MUC5B: variants seen among roughly 807,000 people sequenced by gnomAD.
The protein encoded by MUC5B is mucin 5B, oligomeric mucus/gel-forming.
Under a neutral mutation model 376.9 loss-of-function variants are expected in MUC5B, and 116 were observed. The ratio of observed to expected loss-of-function variants is 0.31; its 90% confidence interval spans 0.26 to 0.36. The LOEUF (loss-of-function observed/expected upper bound fraction) is 0.36. Ranked by LOEUF, MUC5B falls within the 10% of genes least tolerant of loss-of-function variation. MUC5B has a pLI of 1.00. For missense variants in MUC5B, 7,165 were observed against 7,769.9 expected, an observed-to-expected ratio of 0.92 and a Z score of 2.93; for synonymous variants, 3,517 against 3,390.9, an observed-to-expected ratio of 1.04 and a Z score of -1.29.
chr11:1,251,166 G>T lies in MUC5B; in HGVS notation c.14286G>T (p.Trp4762Cys), dbSNP rs749514424. 4.0e-5 allele frequency: 65 copies of T among 1,609,668 alleles called. 2 individuals are homozygous for T. Among genetic ancestry groups the T allele is most frequent in the African/African-American group, 6.7e-5 (5 of 74,210 alleles). ...CCTCCTCCACCCTGTGGACCACGTG[G>T]ACCGTCCCAGCACAGACCACCACAC... is the stretch of plus-strand genomic sequence containing the variant. ...PIPSSTLWTT[W>C]TVPAQTTTPM... The change falls in exon 31 of 49, where the codon TGG becomes TGT. Residue 4762 changes from tryptophan (W) to cysteine (C), a missense_variant. By Grantham distance (215) the Trp-to-Cys change is radical. This residue lies in a region of MUC5B where 730 missense variants were observed against 592.7 expected (regional missense o/e 1.23). Coordinates refer to ENST00000529681, the MANE Select transcript of MUC5B (RefSeq NM_002458.3).
chr11:1,237,435 G>A (rs1317785445), intron 25 of MUC5B, among the ~76,000 whole-genome samples: 1 of 152,196 alleles, frequency 6.6e-6, no homozygotes, highest in Non-Finnish European at 1.5e-5. Flanking sequence ...ACAGGGAGGG[G>A]CAGCCCTCTA....
chr11:1,223,087 G>T lies in MUC5B; in HGVS notation c.-37G>T. On this transcript the variant is annotated 5_prime_UTR_variant, in exon 1 of 49. Coordinates refer to ENST00000529681, the MANE Select transcript of MUC5B (RefSeq NM_002458.3). ...AAGCACCCGGCCCGGCTCCCTCCCT[G>T]CCCGTCCCCGTCCCCCCACCCGTGC... 2.9e-6 allele frequency: 2 copies of T among 693,424 alleles called. No homozygotes were observed. The highest frequency in any genetic ancestry group is 5.3e-6 in the Non-Finnish European group (2 of 379,706). The allele number at this position is 693,424 out of a possible 1,614,324, so 43.0% of individuals were successfully genotyped here. A position where few individuals can be genotyped will look rare whatever the true frequency, so the allele number is the denominator to read the frequency against.
rs183397959 is a variant in MUC5B at position 1,242,588 on chromosome 11, C to T, written c.5708C>T (p.Thr1903Met). ...GCCACGCCCTCCTCAACTCCGGGGA[C>T]GACCTGGATCCTCACAAAGCCGACC... is the stretch of plus-strand genomic sequence containing the variant. Reference protein sequence around the residue: ...STATPSSTPGTTWILTKPTTT... With the variant: ...STATPSSTPGMTWILTKPTTT... Residue 1903 changes from threonine to methionine, a missense_variant, in exon 31 of 49, where the codon ACG becomes ATG. Physicochemically the swap from Thr to Met is moderately conservative, Grantham distance 81. Around this residue, in one of 31 missense-constraint regions of MUC5B, gnomAD observed 897 missense variants for 779.6 expected, o/e 1.15. Transcript: ENST00000529681. The T allele has an allele frequency of 2.3e-4, 366 of 1,613,814 alleles. 2 individuals are homozygous for T. The highest frequency in any genetic ancestry group is 1.8e-3 in the African/African-American group (136 of 74,968).
In MUC5B at chr11:1,259,738, C is replaced by T. The variant is rs1326140824; in HGVS notation, c.16714-18C>T. The T allele has an allele frequency of 2.5e-6, 4 of 1,610,432 alleles. No individual in the cohort carries two copies. In the African/African-American group the frequency reaches 4.0e-5, roughly 16 times the overall value. On this transcript the variant is annotated intron_variant, in intron 44 of 48. Coordinates refer to ENST00000529681, the MANE Select transcript of MUC5B (RefSeq NM_002458.3). ...TGGAGGAGAGGGTTAGGGCCTGACG[C>T]CCCTCATGTCCCCACAGGGCTTTGA...
chr11:1,229,684 C>A lies in MUC5B; in HGVS notation c.1103-6C>A, dbSNP rs985940200. 1 of 1,563,102 alleles carries A rather than the reference C, an allele frequency of 6.4e-7. No homozygotes were observed. Among genetic ancestry groups the A allele is most frequent in the East Asian group, 2.4e-5 (1 of 41,998 alleles). The stretch of plus-strand genomic sequence containing the variant: ...GGCCGGCCCTGCCTCACGCCGCGCC[C>A]CACAGGCACGGTGCTGGATGACATC... On this transcript the variant is annotated splice_region_variant and splice_polypyrimidine_tract_variant and intron_variant, in intron 9 of 48. Coordinates refer to ENST00000529681, the MANE Select transcript of MUC5B (RefSeq NM_002458.3).
At position 1,244,424 on chromosome 11, in the gene MUC5B, G is replaced by C. The variant is rs755572246; in HGVS notation, c.7544G>C (p.Ser2515Thr). The change falls in exon 31 of 49, where the codon AGT becomes ACT. Residue 2515 changes from serine (S) to threonine (T), a missense_variant. Transcript: ENST00000529681. ...AGCTCCAAAGCCACTCCCTTCTCCA[G>C]TCCAGGGACTGCAACCGCCCTTCCA... ...VTSSKATPFSSPGTATALPAL... is the reference protein window; with the variant it reads ...VTSSKATPFSTPGTATALPAL... The C allele has an allele frequency of 1.1e-5, 18 of 1,603,150 alleles. No homozygotes were observed. The East Asian group carries it at 2.0e-4, about 18-fold the overall frequency.
At position 1,260,717 on chromosome 11, in the gene MUC5B, C is replaced by G. The variant is rs61734219; in HGVS notation, c.17058C>G (p.Pro5686=). 1.2e-6 allele frequency: 2 copies of G among 1,610,014 alleles called. No homozygotes were observed. Among genetic ancestry groups the G allele is most frequent in the Non-Finnish European group, 1.7e-6 (2 of 1,178,548 alleles). The change falls in exon 48 of 49, where the codon CCC becomes CCG. Residue 5686 remains proline, a synonymous_variant. Transcript: ENST00000529681. ...TCACCTTCTGCGAGGGCTCCTGCCC[C>G]GGAGCGTCCAAGTGAGTGGGCTCCT... ...VNITFCEGSC[P]GASKYSAEAQ...
At chr11:1,236,201 T>G (rs911247979) in intron 23 of MUC5B, 185 bp from the exon 24 acceptor site, 2 of 577,504 alleles carry the variant, frequency 3.5e-6, no homozygotes, top group South Asian at 2.5e-5. Context: ...TTCCCAGCAC[T>G]TCCTGGCCAG....
Position 1,249,799 on chromosome 11 carries a change from A to C in MUC5B, c.12919A>C (p.Thr4307Pro), listed in dbSNP as rs756788272. ...TSSSSPRTAT[T>P]LPVLTSTATK... Reference sequence around the variant, plus strand: ...CTCCTCCAGTCCAAGGACTGCAACCACCCTTCCAGTGCTGACAAGCACAGC... The same window carrying C: ...CTCCTCCAGTCCAAGGACTGCAACCCCCCTTCCAGTGCTGACAAGCACAGC... Residue 4307 changes from threonine (T) to proline (P), a missense_variant, in exon 31 of 49, where the codon ACC (threonine) becomes CCC (proline). This residue lies in a region of MUC5B where 431 missense variants were observed against 390.4 expected (regional missense o/e 1.10). Transcript: ENST00000529681. 6.2e-7 allele frequency: 1 copy of C among 1,612,030 alleles called. No individual in the cohort carries two copies. Among genetic ancestry groups the C allele is most frequent in the East Asian group, 2.2e-5 (1 of 44,796 alleles).
rs1158871410 is a variant in MUC5B at position 1,243,903 on chromosome 11, C to T, written c.7023C>T (p.Tyr2341=). The stretch of plus-strand genomic sequence containing the variant: ...CCTCTGGCGGGGACTTTGACACCTA[C>T]TCCAACATCCGTGCGGCCGGAGGGG... ...PGPSGGDFDT[Y]SNIRAAGGAV... is the part of the protein sequence containing the mutation. Residue 2341 remains tyrosine (Y), a synonymous_variant, in exon 31 of 49, where the codon TAC becomes TAT. Coordinates refer to ENST00000529681, the MANE Select transcript of MUC5B (RefSeq NM_002458.3). 6.2e-7 allele frequency: 1 copy of T among 1,609,390 alleles called. No individual in the cohort carries two copies. The highest frequency in any genetic ancestry group is 1.7e-5 in the Admixed American group (1 of 59,912).
At chr11:1,239,270 G>A (rs2133821202) in intron 26 of MUC5B, 168 bp from the exon 27 acceptor site, 2 of 951,086 alleles carry the variant, frequency 2.1e-6, no homozygotes, top group East Asian at 2.7e-5. Flanking sequence ...CAGGGCTGGG[G>A]AGTGGAGGGG....
Position 1,240,198 on chromosome 11 carries a change from G to A in MUC5B, c.3793G>A (p.Asp1265Asn), listed in dbSNP as rs1862246863. 12 of 1,608,800 alleles carry A rather than the reference G, an allele frequency of 7.5e-6. No homozygotes were observed. In the East Asian group the frequency reaches 2.7e-4, roughly 36 times the overall value. ...CCCAGCCTGCACCTGCACCTATGAG[G>A]ACAGGACCTACAGCTACCAGGACGT... The part of the protein sequence containing the change: ...SLEACTCTYE[D>N]RTYSYQDVIY... Residue 1265 changes from aspartate to asparagine, a missense_variant, in exon 30 of 49, where the codon GAC becomes AAC. Physicochemically the swap from Asp to Asn is conservative, Grantham distance 23. Around this residue, in one of 31 missense-constraint regions of MUC5B, gnomAD observed 517 missense variants for 545.3 expected, o/e 0.95. Transcript: ENST00000529681.
Position 1,246,496 on chromosome 11 carries a change from A to G in MUC5B, c.9616A>G (p.Ile3206Val). 2.5e-6 allele frequency: 4 copies of G among 1,613,266 alleles called. No homozygotes were observed. Among genetic ancestry groups the G allele is most frequent in the Non-Finnish European group, 2.5e-6 (3 of 1,179,624 alleles). Residue 3206 changes from isoleucine (I) to valine (V), a missense_variant, in exon 31 of 49, where the codon ATC becomes GTC. This residue lies in a region of MUC5B where 939 missense variants were observed against 770.6 expected (regional missense o/e 1.22). Coordinates refer to ENST00000529681, the MANE Select transcript of MUC5B (RefSeq NM_002458.3). ...CAGCACGGCCACCACACCCACAGTCATCAGCTCCAGAGCCACTCCCTCCTC... is the reference window on the plus strand; with the variant it reads ...CAGCACGGCCACCACACCCACAGTCGTCAGCTCCAGAGCCACTCCCTCCTC... ...LTSTATTPTV[I>V]SSRATPSSSP...
Position 1,252,800 on chromosome 11 carries a change from C to A in MUC5B, c.15046-9C>A. 2 of 1,599,952 alleles carry A rather than the reference C, an allele frequency of 1.3e-6. No individual in the cohort carries two copies. The highest frequency in any genetic ancestry group is 2.3e-5 in the East Asian group (1 of 44,130). ...GTCCAGGTGAGGACGTGCATGTTCC[C>A]TGCCCCAGGTGAATGAGACCTGGAC... On this transcript the variant is annotated splice_polypyrimidine_tract_variant and intron_variant, in intron 32 of 48. Transcript: ENST00000529681.
At chr11:1,240,010 C>T (rs1862242304) in intron 28 of MUC5B, 35 bp from the exon 29 acceptor site, 2 of 1,595,798 alleles carry the variant, frequency 1.3e-6, no homozygotes, top group Admixed American at 1.7e-5. Flanking sequence ...CAGGCTGCCC[C>T]CCAGGCCCTC....
rs371356619 is a variant in MUC5B, at chr11:1,241,047, G to T, written c.4167G>T (p.Pro1389=). The stretch of plus-strand genomic sequence containing the variant: ...GGGCGGCGCAGCTTCCCGACATGCC[G>T]CTGGAGGAGCTGGGCCAGCAGGTGG... The part of the protein sequence containing the change: ...ECRAAQLPDM[P]LEELGQQVDC... The change falls in exon 31 of 49, where the codon CCG becomes CCT. Residue 1389 remains proline, a synonymous_variant. Coordinates refer to ENST00000529681, the MANE Select transcript of MUC5B (RefSeq NM_002458.3). The T allele has an allele frequency of 3.1e-6, 5 of 1,612,404 alleles. No individual in the cohort carries two copies. The highest frequency in any genetic ancestry group is 4.2e-6 in the Non-Finnish European group (5 of 1,179,766).
At chr11:1,229,565 G>T (rs1160372549) in intron 9 of MUC5B, 125 bp from the exon 10 acceptor site, 4 of 902,500 alleles carry the variant, frequency 4.4e-6, no homozygotes, top group Non-Finnish European at 6.7e-6. Flanking sequence ...GCAGCTCAGG[G>T]CGGGGGCGGT....
In MUC5B at chr11:1,228,600, T is replaced by C. The variant is rs1051309947; in HGVS notation, c.811T>C (p.Phe271Leu). The change falls in exon 8 of 49, where the codon TTT becomes CTT. Residue 271 changes from phenylalanine to leucine, a missense_variant. Transcript: ENST00000529681. ...CCACCGCACCCTGCTGGGGCCGGCC[T>C]TTGCGGAGTGCCACGCACTGGTGGA... is the stretch of plus-strand genomic sequence containing the variant. The part of the protein sequence containing the change: ...ICHRTLLGPA[F>L]AECHALVDST... The C allele has an allele frequency of 3.9e-6, 6 of 1,531,066 alleles. No individual in the cohort carries two copies. The highest frequency in any genetic ancestry group is 2.0e-5 in the Admixed American group (1 of 50,838). The allele number at this position is 1,531,066 out of a possible 1,614,324, so 94.8% of individuals were successfully genotyped here.
Position 1,229,713 on chromosome 11 carries a change from C to A in MUC5B, c.1126C>A (p.His376Asn). Residue 376 changes from histidine to asparagine, a missense_variant, in exon 10 of 49, where the codon CAC becomes AAC. Around this residue, in one of 31 missense-constraint regions of MUC5B, gnomAD observed 640 missense variants for 733.0 expected, o/e 0.87. Transcript: ENST00000529681. ...PPGTVLDDITHSGCLPLGQCP... is the reference protein window; with the variant it reads ...PPGTVLDDITNSGCLPLGQCP... ...AGGCACGGTGCTGGATGACATCACGCACTCTGGCTGCCTGCCCCTCGGGCA... is the reference window on the plus strand; with the variant it reads ...AGGCACGGTGCTGGATGACATCACGAACTCTGGCTGCCTGCCCCTCGGGCA... 1 of 1,588,248 alleles carries A rather than the reference C, an allele frequency of 6.3e-7. No individual in the cohort carries two copies. Among genetic ancestry groups the A allele is most frequent in the Non-Finnish European group, 8.5e-7 (1 of 1,171,196 alleles).
Sources: gnomAD v4.1 joint callset for allele counts (sites outside exome capture counted in the v4.1 genomes callset) on GRCh38, gnomAD v4.1.1 for gene constraint, gnomAD v4.1.1 regional missense constraint, MANE v1.5 for transcripts, NCBI Gene and HGNC (gene_info 2026-07-23, HGNC 2026-07-21) for gene names.